The following TM6SF1 variants were observed in gnomAD, a reference collection of about 807,000 sequenced individuals.
TM6SF1 encodes transmembrane 6 superfamily member 1.
Under a neutral mutation model 47.1 loss-of-function variants are expected in TM6SF1, and 43 were observed. The observed-to-expected ratio is 0.91, with a 90% CI of 0.72 to 1.18. The LOEUF (loss-of-function observed/expected upper bound fraction) is 1.18, where lower values mean the gene tolerates loss of function less well. Among genes scored for constraint, TM6SF1 ranks in the 50% most tolerant of loss-of-function variants. TM6SF1 has a pLI of 0.00. For synonymous variants in TM6SF1, 177 were observed against 166.3 expected, an observed-to-expected ratio of 1.06 and a Z score of -0.49; for missense variants, 390 against 449.0, an observed-to-expected ratio of 0.87 and a Z score of 1.19.
chr15:83,122,087 A>C, intron 5 of TM6SF1, 84 bp downstream of exon 5: 1 of 1,101,932 alleles, frequency 9.1e-7, no homozygotes, highest in Non-Finnish European at 1.3e-6. Flanking sequence ...TTTAGTTATA[A>C]TAGAACCAAG....
intron 9 of TM6SF1, chr15:83,128,749 A>T (rs2035988310): frequency 6.6e-6 from 1 of 152,008 alleles, no homozygotes; most frequent in Non-Finnish European, 1.5e-5. Flanking sequence ...AAATAGTCCA[A>T]TTGCATCCAG....
intron 3 of TM6SF1, among the ~76,000 whole-genome samples, chr15:83,119,020 C>G (rs1246822046): frequency 6.6e-6 from 1 of 152,156 alleles, no homozygotes. Flanking sequence ...TGGACTCAAT[C>G]CTGTCCATCC....
intron 7 of TM6SF1, among the ~76,000 whole-genome samples, chr15:83,126,428 G>A (rs1316520767): frequency 6.6e-6 from 1 of 152,094 alleles, no homozygotes; most frequent in Admixed American, 6.5e-5. Context: ...GGGAATAGGG[G>A]GCTAGTTATT....
chr15:83,121,981 T>G lies in TM6SF1; in HGVS notation c.459T>G (p.Val153=), dbSNP rs771469493. The change falls in exon 5 of 10, where the codon GTT becomes GTG. Residue 153 remains valine, a synonymous_variant. Transcript: ENST00000322019. Reference sequence around the variant, plus strand: ...GATCTATTATTATGAGTGTTGTTGTTTTTGTGCCAGGAAACATTGTAGGTA... The same window carrying G: ...GATCTATTATTATGAGTGTTGTTGTGTTTGTGCCAGGAAACATTGTAGGTA... ...WVGSIIMSVV[V]FVPGNIVGKY... 1.9e-6 allele frequency: 3 copies of G among 1,611,690 alleles called. No individual in the cohort carries two copies. Among genetic ancestry groups the G allele is most frequent in the Non-Finnish European group, 2.5e-6 (3 of 1,179,418 alleles).
chr15:83,113,149 C>T lies in TM6SF1; in HGVS notation c.196+249C>T, dbSNP rs531187867. The T allele has an allele frequency of 2.0e-5, 11 of 553,814 alleles. No individual in the cohort carries two copies. The East Asian group carries it at 3.1e-4, about 15-fold the overall frequency. The allele number at this position is 553,814 out of a possible 1,614,324, so 34.3% of individuals were successfully genotyped here. On this transcript the variant is annotated intron_variant, in intron 2 of 9. Transcript: ENST00000322019. ...CAGGCCAGGCAGGGCACCCTGCCAA[C>T]CCCAGCATGCTTTGACCTCTGACCT...
intron 2 of TM6SF1, 28 bp from the exon 3 acceptor site, chr15:83,115,814 GCTT>G: frequency 6.7e-7 from 1 of 1,488,456 alleles, no homozygotes; most frequent in Middle Eastern, 1.7e-4. Flanking sequence ...CTGAGCTATT[GCTT>G]TTTAAACTGC....
In TM6SF1 at chr15:83,122,737, T is replaced by A. The variant is rs1320077462; in HGVS notation, c.482-20T>A. 1 of 1,610,200 alleles carries A rather than the reference T, an allele frequency of 6.2e-7. No homozygotes were observed. The highest frequency in any genetic ancestry group is 8.5e-7 in the Non-Finnish European group (1 of 1,179,168). On this transcript the variant is annotated intron_variant, in intron 5 of 9. Transcript: ENST00000322019. ...AGATATGCTTTTGGTAACTTCTTTC[T>A]CTTTCTCTCTTTTAAATAGGGAAGT...
chr15:83,121,153 C>G (rs1321809116), intron 4 of TM6SF1, among the ~76,000 whole-genome samples: 1 of 152,032 alleles, frequency 6.6e-6, no homozygotes, highest in African/African-American at 2.4e-5. Context: ...TCGCTGTAAC[C>G]TCTGCCTCCC....
chr15:83,123,920 C>G (rs2035494660), intron 6 of TM6SF1, among the ~76,000 whole-genome samples: 1 of 152,188 alleles, frequency 6.6e-6, no homozygotes, highest in Non-Finnish European at 1.5e-5. Context: ...TTCAGAATTG[C>G]TCTGCAAAGC....
intron 9 of TM6SF1, chr15:83,136,026 CTAAAAA>C (rs2036586446): frequency 6.5e-6 from 1 of 152,824 alleles, no homozygotes; most frequent in African/African-American, 2.4e-5. Flanking sequence ...ATAGTTTATG[CTAAAAA>C]TATTTGTTTT....
Position 83,136,474 on chromosome 15 carries a change from G to GA in TM6SF1, c.922-7_922-6insA, listed in dbSNP as rs2036619566. The GA allele has an allele frequency of 1.3e-6, 2 of 1,563,042 alleles. No individual in the cohort carries two copies. Among genetic ancestry groups the GA allele is most frequent in the South Asian group, 2.4e-5 (2 of 82,722 alleles). The stretch of plus-strand genomic sequence containing the variant: ...CTTACTCAATTTTTTTTTTTTAAAT[G>GA]CAACAGGCTCAGTTTTCTCACATTG... On this transcript the variant is annotated splice_polypyrimidine_tract_variant and splice_region_variant and intron_variant, in intron 9 of 9. Coordinates refer to ENST00000322019, the MANE Select transcript of TM6SF1 (RefSeq NM_023003.5).
At position 83,126,836 on chromosome 15, in the gene TM6SF1, C is replaced by A. The variant is rs1471118003; in HGVS notation, c.790C>A (p.Pro264Thr). Residue 264 changes from proline to threonine, a missense_variant, in exon 8 of 10, where the codon CCT (proline) becomes ACT (threonine). Physicochemically the swap from Pro to Thr is conservative, Grantham distance 38. Transcript: ENST00000322019. ...EPYLKDPAAY[P>T]KIQMLAYMFY... Reference sequence around the variant, plus strand: ...CTATCTAAAGGATCCTGCTGCTTATCCTAAAATTCAGGTCAAGTAGTTATG... The same window carrying A: ...CTATCTAAAGGATCCTGCTGCTTATACTAAAATTCAGGTCAAGTAGTTATG... 12 of 1,612,484 alleles carry A rather than the reference C, an allele frequency of 7.4e-6. No homozygotes were observed. Among genetic ancestry groups the A allele is most frequent in the Non-Finnish European group, 1.0e-5 (12 of 1,179,216 alleles).
At chr15:83,115,664 G>A (rs938703094) in intron 2 of TM6SF1, 181 bp from the exon 3 acceptor site, 11 of 694,900 alleles carry the variant, frequency 1.6e-5, no homozygotes, top group East Asian at 2.7e-5. Context: ...GGAGAGCTGC[G>A]AACACAGGTG....
intron 6 of TM6SF1, 117 bp from the exon 7 acceptor site, chr15:83,124,555 A>C (rs2035560120): frequency 2.7e-6 from 2 of 738,094 alleles, no homozygotes; most frequent in Middle Eastern, 2.5e-4. Flanking sequence ...GTGATTTATG[A>C]TATAAATTGT....
In TM6SF1 at chr15:83,136,483, TCA is replaced by T; in HGVS notation, c.925_926del (p.Gln309ValfsTer11). The T allele has an allele frequency of 3.2e-6, 5 of 1,575,506 alleles. No homozygotes were observed. Among genetic ancestry groups the T allele is most frequent in the Non-Finnish European group, 3.4e-6 (4 of 1,167,896 alleles). On this transcript the variant is annotated frameshift_variant, in exon 10 of 10. Transcript: ENST00000322019. LOFTEE classifies it high-confidence loss of function. ...TTTTTTTTTTTTAAATGCAACAGGC[TCA>T]GTTTTCTCACATTGGTGCATCTCTT... ...LIHAGGLAQA[Q>X]FSHIGASLHA...
At chr15:83,118,359 T>C (rs2034894393) in intron 3 of TM6SF1, among the ~76,000 whole-genome samples, 1 of 152,120 alleles carries the variant, frequency 6.6e-6, no homozygotes, top group Non-Finnish European at 1.5e-5. Context: ...AAAGGACCTG[T>C]GGCCTGTGCA....
At chr15:83,128,162 T>TTCATCTTGTTTAAAAACA (rs2035939062) in intron 9 of TM6SF1, 1 of 152,266 alleles carries the variant, frequency 6.6e-6, no homozygotes, top group Non-Finnish European at 1.5e-5. Flanking sequence ...AAACATTAGC[T>TTCATCTTGTTTAAAAACA]TCATCTTGTT....
At position 83,119,577 on chromosome 15, in the gene TM6SF1, G is replaced by T; in HGVS notation, c.295-1G>T. 1 of 1,613,938 alleles carries T rather than the reference G, an allele frequency of 6.2e-7. No homozygotes were observed. Among genetic ancestry groups the T allele is most frequent in the South Asian group, 1.1e-5 (1 of 91,056 alleles). On this transcript the variant is annotated splice_acceptor_variant, in intron 3 of 9. Coordinates refer to ENST00000322019, the MANE Select transcript of TM6SF1 (RefSeq NM_023003.5). LOFTEE classifies it high-confidence loss of function. ...GGACTTCTTTTTAATGCTTTCTTTAGGGTGAACCGTATCTGAACACCGCAT... is the reference window on the plus strand; with the variant it reads ...GGACTTCTTTTTAATGCTTTCTTTATGGTGAACCGTATCTGAACACCGCAT...
intron 3 of TM6SF1, among the ~76,000 whole-genome samples, chr15:83,116,858 T>C (rs945659974): frequency 2.6e-5 from 4 of 152,292 alleles, no homozygotes; most frequent in Non-Finnish European, 5.9e-5. Context: ...TGATTCCTGC[T>C]TTGGAATTTG....
Sources: allele counts gnomAD v4.1 joint callset (sites outside exome capture counted in the v4.1 genomes callset), GRCh38; gene constraint gnomAD v4.1.1; transcripts MANE v1.5; gene names NCBI Gene and HGNC (gene_info 2026-07-23, HGNC 2026-07-21).